The following DOK7 variants were observed in gnomAD, a reference collection of about 807,000 sequenced individuals.
The protein encoded by DOK7 is docking protein 7.
A neutral mutation model predicts 30.7 loss-of-function variants in DOK7; 32 were observed. The observed-to-expected ratio is 1.04, with a 90% CI of 0.79 to 1.40. The LOEUF is 1.40. Among genes scored for constraint, DOK7 ranks in the 40% most tolerant of loss-of-function variants. DOK7 has a pLI of 0.00. For missense variants in DOK7, 1,007 were observed against 699.2 expected (o/e 1.44, Z -4.97); for synonymous variants, 447 against 324.1 (o/e 1.38, Z -4.07).
chr4:3,470,442 T>C (rs1338435632), intron 2 of DOK7, among the ~76,000 whole-genome samples: 2 of 152,186 alleles, frequency 1.3e-5, no homozygotes, highest in African/African-American at 4.8e-5. Flanking sequence ...TGAGTCTGCA[T>C]TTGTAGACAG....
At chr4:3,495,494 G>A (rs1307781161), downstream of DOK7, among the ~76,000 whole-genome samples, 1 of 152,224 alleles carries the variant, frequency 6.6e-6, no homozygotes, top group Non-Finnish European at 1.5e-5. Flanking sequence ...TTTCCCTGTG[G>A]GGATGCGGCC....
intron 6 of DOK7, among the ~76,000 whole-genome samples, chr4:3,490,407 A>ACC (rs370375973): frequency 2.8e-4 from 2 of 7,158 alleles, no homozygotes; most frequent in African/African-American, 5.2e-4. Flanking sequence ...TCCTTCTTTC[A>ACC]CCCCCCCCAC....
intron 6 of DOK7, chr4:3,500,221 A>G (rs1577193701): frequency 7.2e-6 from 11 of 1,533,376 alleles, no homozygotes; most frequent in Non-Finnish European, 9.6e-6. Context: ...CTCGGTCCCC[A>G]CCGGGGCTTC....
At position 3,493,223 on chromosome 4, in the gene DOK7, C is replaced by T. The variant is rs1380155630; in HGVS notation, c.1237C>T (p.Leu413=). The T allele has an allele frequency of 1.2e-6, 2 of 1,611,924 alleles. No homozygotes were observed. The highest frequency in any genetic ancestry group is 1.3e-5 in the African/African-American group (1 of 74,924). The change falls in exon 7 of 7, where the codon CTG becomes TTG. Residue 413 remains leucine, a synonymous_variant. Transcript: ENST00000340083. ...AHYDTPRSLC[L]APRDHSPPSQ... Reference sequence around the variant, plus strand: ...CTATGACACACCACGCAGCCTTTGCCTGGCTCCTAGAGACCACAGCCCCCC... The same window carrying T: ...CTATGACACACCACGCAGCCTTTGCTTGGCTCCTAGAGACCACAGCCCCCC...
At chr4:3,500,599 C>G in intron 7 of DOK7, 1 of 1,526,466 alleles carries the variant, frequency 6.6e-7, no homozygotes, top group Non-Finnish European at 8.8e-7. Context: ...CAGATGCTTC[C>G]GAGGGCCTGG....
chr4:3,485,361 C>A, intron 4 of DOK7, 178 bp from the exon 5 acceptor site: 5 of 831,490 alleles, frequency 6.0e-6, no homozygotes. Context: ...CGGCTCTGGG[C>A]ACCCGGATTC....
At chr4:3,485,777 A>AG (rs1487512574) in intron 5 of DOK7, 119 bp downstream of exon 5, 3 of 1,337,254 alleles carry the variant, frequency 2.2e-6, no homozygotes, top group Non-Finnish European at 2.9e-6. Flanking sequence ...CCCCACCCCC[A>AG]GCTAAGGAAC....
At chr4:3,495,148 A>G (rs1728833967), downstream of DOK7, among the ~76,000 whole-genome samples, 1 of 152,178 alleles carries the variant, frequency 6.6e-6, no homozygotes, top group Non-Finnish European at 1.5e-5. Flanking sequence ...ACGGGATGAC[A>G]GACCCCGCCT....
intron 4 of DOK7, 119 bp downstream of exon 4, chr4:3,476,661 G>C: frequency 7.6e-7 from 1 of 1,324,320 alleles, no homozygotes; most frequent in South Asian, 1.2e-5. Flanking sequence ...TTTCCAGAAT[G>C]CGCCGGCAGG....
intron 4 of DOK7, among the ~76,000 whole-genome samples, chr4:3,482,951 G>C (rs111746167): frequency 0.028 from 4,222 of 152,184 alleles, 97 homozygotes; most frequent in Non-Finnish European, 0.044. Flanking sequence ...CACCACAGAG[G>C]GGCTGTCGGG....
chr4:3,488,740 G>T, intron 5 of DOK7, among the ~76,000 whole-genome samples: 1 of 150,276 alleles, frequency 6.7e-6, no homozygotes, highest in South Asian at 2.1e-4. Context: ...GAGGCCCAGA[G>T]GAGGCCACTT....
downstream of DOK7, among the ~76,000 whole-genome samples, chr4:3,497,918 C>T (rs182538524): frequency 2.5e-3 from 385 of 152,302 alleles, 1 homozygote; most frequent in African/African-American, 8.6e-3. Context: ...TGTTGCCTCC[C>T]CGAGGCCACC....
rs903532280 is a variant in DOK7 at position 3,494,074 on chromosome 4, G to A, written c.*573G>A. 24 of 986,728 alleles carry A rather than the reference G, an allele frequency of 2.4e-5. No homozygotes were observed. Among genetic ancestry groups the A allele is most frequent in the Non-Finnish European group, 2.9e-5 (24 of 831,048 alleles). The allele number at this position is 986,728 out of a possible 1,614,324, so 61.1% of individuals were successfully genotyped here. On this transcript the variant is annotated 3_prime_UTR_variant, in exon 7 of 7. Transcript: ENST00000340083. Reference sequence around the variant, plus strand: ...GCTCAGGAGGCTGTGTGGCTTGCGGGGTCTCTGGGTTCTGGGCCCCACTGT... The same window carrying A: ...GCTCAGGAGGCTGTGTGGCTTGCGGAGTCTCTGGGTTCTGGGCCCCACTGT...
At chr4:3,500,951 T>G in exon 8 of DOK7, 1 of 1,380,676 alleles carries the variant, frequency 7.2e-7, no homozygotes, top group Non-Finnish European at 9.5e-7. Flanking sequence ...GGAGCAGGCA[T>G]GGCCGGTCTC....
chr4:3,478,426 G>C (rs1727238400), intron 4 of DOK7, among the ~76,000 whole-genome samples: 1 of 152,206 alleles, frequency 6.6e-6, no homozygotes, highest in South Asian at 2.1e-4. Flanking sequence ...ACTCTTGTGG[G>C]GCCGTCTGTC....
At chr4:3,489,861 G>A (rs1010953139) in intron 6 of DOK7, 65 bp downstream of exon 6, 5 of 1,542,270 alleles carry the variant, frequency 3.2e-6, no homozygotes, top group Non-Finnish European at 3.5e-6. Context: ...GAGCTCAGGA[G>A]GCATCCATGC....
intron 2 of DOK7, among the ~76,000 whole-genome samples, chr4:3,471,745 T>C (rs1726780464): frequency 6.6e-6 from 1 of 152,126 alleles, no homozygotes; most frequent in South Asian, 2.1e-4. Context: ...TGCCTTGGAG[T>C]TTCCAGAGGG....
intron 2 of DOK7, among the ~76,000 whole-genome samples, chr4:3,467,379 G>C (rs1172592531): frequency 6.7e-6 from 1 of 149,292 alleles, no homozygotes; most frequent in Admixed American, 6.7e-5. Flanking sequence ...CCAGAAGCCT[G>C]CGTCCAACTG....
chr4:3,481,576 G>A (rs1727447660), intron 4 of DOK7, among the ~76,000 whole-genome samples: 1 of 152,080 alleles, frequency 6.6e-6, no homozygotes, highest in African/African-American at 2.4e-5. Flanking sequence ...ACTCCCAAGT[G>A]TACAAGAAGC....
Sources: gnomAD v4.1 joint callset for allele counts (sites outside exome capture counted in the v4.1 genomes callset) on GRCh38, gnomAD v4.1.1 for gene constraint, MANE v1.5 for transcripts, NCBI Gene and HGNC (gene_info 2026-07-23, HGNC 2026-07-21) for gene names.